WDFY3: variants seen among roughly 807,000 people sequenced by gnomAD.
WDFY3 encodes WD repeat and FYVE domain containing 3, also known as WD repeat and FYVE domain-containing protein 3.
In WDFY3, 66 loss-of-function variants were observed where a neutral mutation model predicts 409.6. That is an observed-to-expected ratio of 0.16 (90% CI 0.13 to 0.20). The LOEUF is 0.20. Ranked by LOEUF, WDFY3 falls within the 10% of genes least tolerant of loss-of-function variation. The pLI is 1.00. For synonymous variants in WDFY3, 1,521 were observed against 1,537.1 expected, an observed-to-expected ratio of 0.99 and a Z score of 0.25; for missense variants, 3,031 against 4,298.1, an observed-to-expected ratio of 0.71 and a Z score of 8.24.
At chr4:84,892,473 C>G (rs1459518732) in intron 3 of WDFY3, among the ~76,000 whole-genome samples, 1 of 151,822 alleles carries the variant, frequency 6.6e-6, no homozygotes, top group East Asian at 1.9e-4. Context: ...TATCAAATAT[C>G]CAATGTTCAA....
chr4:84,752,578 T>C (rs72664920), intron 35 of WDFY3, among the ~76,000 whole-genome samples: 11 of 151,750 alleles, frequency 7.2e-5, no homozygotes, highest in Non-Finnish European at 1.6e-4. Flanking sequence ...TGATATATTA[T>C]TGAAGGTCTT....
chr4:84,928,902 G>C (rs149354510), intron 2 of WDFY3, among the ~76,000 whole-genome samples: 1 of 152,244 alleles, frequency 6.6e-6, no homozygotes, highest in East Asian at 1.9e-4. Flanking sequence ...ATACATACTA[G>C]TACAGCCTCA....
At chr4:84,932,683 C>G (rs1306379231) in intron 1 of WDFY3, among the ~76,000 whole-genome samples, 3 of 152,162 alleles carry the variant, frequency 2.0e-5, no homozygotes, top group Non-Finnish European at 4.4e-5. Flanking sequence ...CAGAACTCAA[C>G]CCTTACCACT....
Position 84,801,982 on chromosome 4 carries a change from T to C in WDFY3, c.2608-118A>G, listed in dbSNP as rs1750656445. 3.0e-6 allele frequency: 3 copies of C among 990,706 alleles called. No homozygotes were observed. The Admixed American group carries it at 7.6e-5, about 25-fold the overall frequency. The allele number at this position is 990,706 out of a possible 1,614,324, so 61.4% of individuals were successfully genotyped here. A position where few individuals can be genotyped will look rare whatever the true frequency, so the allele number is the denominator to read the frequency against. On this transcript the variant is annotated intron_variant, in intron 16 of 67. Transcript: ENST00000295888. ...TTTTTTTTGAGACGGAGTTTCGCTC[T>C]TGTTGTCCAGGCTGGAGTGCAATGG...
chr4:84,782,894 G>A (rs1397146277), intron 25 of WDFY3, 69 bp downstream of exon 25: 2 of 1,442,798 alleles, frequency 1.4e-6, no homozygotes, highest in African/African-American at 2.8e-5. Flanking sequence ...TGCCCCTTAA[G>A]TGAGGAAAGT....
intron 2 of WDFY3, among the ~76,000 whole-genome samples, chr4:84,898,518 T>C (rs952140222): frequency 1.3e-5 from 2 of 152,196 alleles, no homozygotes; most frequent in Non-Finnish European, 1.5e-5. Flanking sequence ...CTTTCAACCA[T>C]TGCATGAAGA....
chr4:84,686,836 A>G (rs749812576), intron 62 of WDFY3, among the ~76,000 whole-genome samples: 9 of 152,148 alleles, frequency 5.9e-5, no homozygotes, highest in Non-Finnish European at 8.8e-5. Flanking sequence ...GTGAGGCCTT[A>G]GTCTCTGTAA....
chr4:84,838,372 C>T (rs1228709191), intron 6 of WDFY3, among the ~76,000 whole-genome samples: 1 of 152,168 alleles, frequency 6.6e-6, no homozygotes, highest in Non-Finnish European at 1.5e-5. Context: ...AAGTGGCCTA[C>T]AAAGTGTGTA....
chr4:84,932,403 G>C (rs1050890013), intron 1 of WDFY3, 40 bp from the exon 2 acceptor site: 3 of 152,142 alleles, frequency 2.0e-5, no homozygotes, highest in Non-Finnish European at 4.4e-5. Flanking sequence ...TTTATGTTCA[G>C]AATATACATC....
intron 46 of WDFY3, among the ~76,000 whole-genome samples, chr4:84,723,786 G>A (rs541222720): frequency 1.5e-4 from 23 of 152,318 alleles, no homozygotes; most frequent in African/African-American, 4.8e-4. Flanking sequence ...TATATGACCA[G>A]TGAGTTTAAG....
At chr4:84,841,391 A>G (rs1043708896) in intron 5 of WDFY3, 128 bp from the exon 6 acceptor site, 8 of 716,942 alleles carry the variant, frequency 1.1e-5, no homozygotes, top group Non-Finnish European at 1.6e-5. Context: ...TACATATAGA[A>G]AAACTTTAAA....
intron 4 of WDFY3, among the ~76,000 whole-genome samples, chr4:84,854,593 G>A (rs2150148801): frequency 6.6e-6 from 1 of 151,678 alleles, no homozygotes; most frequent in Middle Eastern, 3.4e-3. Flanking sequence ...CACTCTCAGG[G>A]AGTACTGACT....
chr4:84,904,181 C>G (rs901857488), intron 2 of WDFY3, among the ~76,000 whole-genome samples: 2 of 152,134 alleles, frequency 1.3e-5, no homozygotes, highest in Non-Finnish European at 2.9e-5. Flanking sequence ...TCTGCTGGTG[C>G]GTTGATCTTG....
chr4:84,861,891 CA>C (rs1439292252), intron 3 of WDFY3, among the ~76,000 whole-genome samples: 2 of 152,090 alleles, frequency 1.3e-5, no homozygotes, highest in Non-Finnish European at 2.9e-5. Flanking sequence ...GGATATCTTA[CA>C]AAAGGAACCA....
chr4:84,911,139 T>C (rs568555751), intron 2 of WDFY3, among the ~76,000 whole-genome samples: 1 of 152,010 alleles, frequency 6.6e-6, no homozygotes, highest in Non-Finnish European at 1.5e-5. Context: ...GCTCCCAGAA[T>C]GAAAGAAAAT....
intron 2 of WDFY3, among the ~76,000 whole-genome samples, chr4:84,902,876 T>C (rs1292978044): frequency 6.6e-6 from 1 of 152,216 alleles, no homozygotes; most frequent in East Asian, 1.9e-4. Context: ...AGATAGCATA[T>C]GTAAAGTCTT....
At chr4:84,789,554 CAT>C (rs1748120010) in intron 22 of WDFY3, among the ~76,000 whole-genome samples, 170 bp downstream of exon 22, 1 of 151,936 alleles carries the variant, frequency 6.6e-6, no homozygotes, top group Admixed American at 6.6e-5. Context: ...GAATTGGCCA[CAT>C]GAGTCTAACA....
At chr4:84,788,025 A>T (rs1747846704) in intron 22 of WDFY3, among the ~76,000 whole-genome samples, 1 of 152,218 alleles carries the variant, frequency 6.6e-6, no homozygotes, top group Non-Finnish European at 1.5e-5. Flanking sequence ...CTTCTCTGAA[A>T]TTTTTGTGCT....
intron 62 of WDFY3, 44 bp downstream of exon 62, chr4:84,688,042 G>A (rs753590542): frequency 6.3e-7 from 1 of 1,581,598 alleles, no homozygotes; most frequent in East Asian, 2.2e-5. Flanking sequence ...GTTTGGCCAA[G>A]ACTACTTGTT....
Sources: gnomAD v4.1 joint callset for allele counts (sites outside exome capture counted in the v4.1 genomes callset) on GRCh38, gnomAD v4.1.1 for gene constraint, MANE v1.5 for transcripts, NCBI Gene and HGNC (gene_info 2026-07-23, HGNC 2026-07-21) for gene names.